The following TIAM1 variants were observed in gnomAD, a reference collection of about 807,000 sequenced individuals.
TIAM1 encodes rho guanine nucleotide exchange factor TIAM1.
In TIAM1, 65 loss-of-function variants were observed where a neutral mutation model predicts 163.5. The observed-to-expected ratio is 0.40, with a 90% confidence interval of 0.33 to 0.49. TIAM1 has a LOEUF of 0.49. Ranked by LOEUF, TIAM1 falls within the 20% of genes least tolerant of loss-of-function variation. The pLI, the probability that TIAM1 is intolerant of heterozygous loss-of-function variation, is 0.77. For synonymous variants in TIAM1, 833 were observed against 810.1 expected (o/e 1.03, Z -0.48); for missense variants, 1,789 against 2,044.7 (o/e 0.87, Z 2.41).
chr21:31,298,504 T>C (rs1038035325), intron 2 of TIAM1, among the ~76,000 whole-genome samples: 1 of 152,144 alleles, frequency 6.6e-6, no homozygotes, highest in Admixed American at 6.6e-5. Context: ...GATCAAGGTG[T>C]TTACTTAATT....
At chr21:31,375,327 C>T (rs2147163222) in intron 2 of TIAM1, among the ~76,000 whole-genome samples, 1 of 152,198 alleles carries the variant, frequency 6.6e-6, no homozygotes, top group East Asian at 1.9e-4. Flanking sequence ...TGTTTGGGTA[C>T]AAAAATGTAC....
intron 2 of TIAM1, among the ~76,000 whole-genome samples, chr21:31,433,551 A>G (rs1277314821): frequency 6.6e-6 from 1 of 152,248 alleles, no homozygotes; most frequent in Non-Finnish European, 1.5e-5. Context: ...CTGGAAACTC[A>G]AATCATTCCT....
chr21:31,195,206 A>G lies in TIAM1; in HGVS notation c.2575+18T>C. ...AAATACTTTACCTTAAAACACAAAC[A>G]AAGAAAAATAAACTTACCGTAAGTA... On this transcript the variant is annotated intron_variant, in intron 13 of 27. Transcript: ENST00000541036. 1.3e-6 allele frequency: 2 copies of G among 1,591,046 alleles called. No homozygotes were observed. Among genetic ancestry groups the G allele is most frequent in the Non-Finnish European group, 1.7e-6 (2 of 1,162,208 alleles).
At chr21:31,224,836 T>G (rs2087845781) in intron 7 of TIAM1, among the ~76,000 whole-genome samples, 1 of 152,212 alleles carries the variant, frequency 6.6e-6, no homozygotes, top group East Asian at 1.9e-4. Context: ...TGTAATTATT[T>G]CCTGAGCATT....
intron 1 of TIAM1, among the ~76,000 whole-genome samples, chr21:31,492,135 G>A (rs905108599): frequency 3.9e-5 from 6 of 152,166 alleles, no homozygotes; most frequent in Admixed American, 1.3e-4. Context: ...GAGAGAAAGA[G>A]AGGAAAATGA....
chr21:31,399,652 T>C (rs778318455), intron 2 of TIAM1, among the ~76,000 whole-genome samples: 2 of 152,206 alleles, frequency 1.3e-5, no homozygotes, highest in Non-Finnish European at 2.9e-5. Context: ...GAGTAAACCA[T>C]AGCTGTTACA....
chr21:31,372,921 G>A (rs1182172689), intron 2 of TIAM1, among the ~76,000 whole-genome samples: 1 of 152,070 alleles, frequency 6.6e-6, no homozygotes, highest in Admixed American at 6.5e-5. Context: ...CAGGCGTGGT[G>A]GCGCATGCCT....
chr21:31,294,854 C>A (rs1380570770), intron 2 of TIAM1, among the ~76,000 whole-genome samples: 2 of 152,196 alleles, frequency 1.3e-5, no homozygotes, highest in African/African-American at 4.8e-5. Flanking sequence ...CCGCACACGG[C>A]CTGAACGCAT....
chr21:31,167,618 G>A lies in TIAM1; in HGVS notation c.2888-2553C>T, dbSNP rs115975757. On this transcript the variant is annotated intron_variant, in intron 15 of 27. Transcript: ENST00000541036. ...TCCATCAATCCCCAAGCCCTAAAAC[G>A]GCGTTTCCCACAGGGTGTGAGAACC... 4.3e-3 allele frequency among the ~76,000 whole-genome samples: 648 copies of A among 152,228 alleles called. 5 individuals carry two copies. Among genetic ancestry groups the A allele is most frequent in the African/African-American group, 0.015 (627 of 41,522 alleles).
intron 6 of TIAM1, among the ~76,000 whole-genome samples, chr21:31,232,847 C>A (rs2088516110): frequency 6.6e-6 from 1 of 152,072 alleles, no homozygotes; most frequent in Admixed American, 6.6e-5. Context: ...CAAACAGCAG[C>A]AGACAGGTAA....
At chr21:31,280,268 G>C (rs1386335726) in intron 2 of TIAM1, among the ~76,000 whole-genome samples, 1 of 152,202 alleles carries the variant, frequency 6.6e-6, no homozygotes, top group Non-Finnish European at 1.5e-5. Flanking sequence ...TTGAATCATG[G>C]AGGTGGGTCT....
intron 2 of TIAM1, among the ~76,000 whole-genome samples, chr21:31,280,142 T>C (rs1420381520): frequency 6.6e-6 from 1 of 152,218 alleles, no homozygotes; most frequent in Non-Finnish European, 1.5e-5. Flanking sequence ...ACCAAGTTTT[T>C]CAGTCTCACT....
intron 1 of TIAM1, among the ~76,000 whole-genome samples, chr21:31,468,927 C>A (rs6517039): frequency 0.72 from 108,682 of 151,260 alleles, 39,973 homozygotes; most frequent in African/African-American, 0.84. Context: ...GGATGACTGT[C>A]GGAAGAGGGT....
intron 6 of TIAM1, among the ~76,000 whole-genome samples, chr21:31,229,890 T>G (rs1380305054): frequency 6.6e-6 from 1 of 152,168 alleles, no homozygotes; most frequent in Admixed American, 6.5e-5. Context: ...TGACCTCAGG[T>G]GATCCACCCG....
chr21:31,518,453 A>C lies in TIAM1; in HGVS notation c.-422+40474T>G, dbSNP rs1249044013. 2.6e-5 allele frequency among the ~76,000 whole-genome samples: 4 copies of C among 151,994 alleles called. No homozygotes were observed. The South Asian group carries it at 6.2e-4, about 24-fold the overall frequency. ...CAGGCATGCGCCACCACGCCCAGCT[A>C]ACTTTGTATTTTTAGTAGACACGGG... On this transcript the variant is annotated intron_variant, in intron 1 of 28. Transcript: ENST00000286827.
chr21:31,222,155 G>A (rs1183903125), intron 8 of TIAM1, among the ~76,000 whole-genome samples: 2 of 152,120 alleles, frequency 1.3e-5, no homozygotes, highest in East Asian at 1.9e-4. Flanking sequence ...GAATACAAAC[G>A]CCTCTGACTG....
chr21:31,298,819 AGAGAG>A (rs1569183728), intron 2 of TIAM1, among the ~76,000 whole-genome samples: 12 of 151,790 alleles, frequency 7.9e-5, no homozygotes, highest in East Asian at 3.9e-4. Context: ...AGAGAGAGAG[AGAGAG>A]AAAAACAGAT....
chr21:31,241,882 C>T (rs569069885), intron 6 of TIAM1, among the ~76,000 whole-genome samples: 16 of 152,168 alleles, frequency 1.1e-4, no homozygotes, highest in African/African-American at 3.6e-4. Flanking sequence ...TGGTGGTGTA[C>T]ACCTGTAGTC....
At chr21:31,456,051 G>T (rs1032068539) in intron 2 of TIAM1, among the ~76,000 whole-genome samples, 1 of 152,164 alleles carries the variant, frequency 6.6e-6, no homozygotes, top group Non-Finnish European at 1.5e-5. Context: ...AATGTTCCTG[G>T]TTGTGGGAAG....
Sources: gnomAD v4.1 joint callset for allele counts (sites outside exome capture counted in the v4.1 genomes callset) on GRCh38, gnomAD v4.1.1 for gene constraint, MANE v1.5 for transcripts, NCBI Gene and HGNC (gene_info 2026-07-23, HGNC 2026-07-21) for gene names.